The following FRZB variants were observed in gnomAD, a reference collection of about 807,000 sequenced individuals.
FRZB encodes the protein frizzled related protein.
A neutral mutation model predicts 32.5 loss-of-function variants in FRZB; 34 were observed. That is an observed-to-expected ratio of 1.05 (90% CI 0.80 to 1.39). The LOEUF is 1.39. Ranked by LOEUF, FRZB falls within the 40% of genes most tolerant of loss-of-function variation. The pLI, the probability that FRZB is intolerant of heterozygous loss-of-function variation, is 0.00. For synonymous variants in FRZB, 170 were observed against 159.2 expected, an observed-to-expected ratio of 1.07 and a Z score of -0.51; for missense variants, 423 against 424.8, an observed-to-expected ratio of 1.00 and a Z score of 0.04.
chr2:182,836,504 C>T (rs1695527066), intron 5 of FRZB, among the ~76,000 whole-genome samples: 2 of 151,840 alleles, frequency 1.3e-5, no homozygotes, highest in African/African-American at 4.8e-5. Context: ...TCTGCAAGTC[C>T]CCTGCGGAAA....
At chr2:182,836,172 T>A (rs1441928598) in intron 5 of FRZB, among the ~76,000 whole-genome samples, 1 of 152,074 alleles carries the variant, frequency 6.6e-6, no homozygotes, top group Non-Finnish European at 1.5e-5. Flanking sequence ...TATAAGAGAC[T>A]TAGGTAAACA....
Position 182,866,565 on chromosome 2 carries a change from A to G in FRZB, c.-13T>C, listed in dbSNP as rs1010551709. On this transcript the variant is annotated 5_prime_UTR_variant, in exon 1 of 6. Transcript: ENST00000295113. The surrounding 1 kb of genome is among the most constrained non-coding windows in gnomAD (Gnocchi z 4.5). Reference sequence around the variant, plus strand: ...TGCCGCAGACCATGATCCCGGCAGGATGGGGCAGGGTGCAGCCGCGCAGTG... The same window carrying G: ...TGCCGCAGACCATGATCCCGGCAGGGTGGGGCAGGGTGCAGCCGCGCAGTG... The G allele has an allele frequency of 2.8e-6, 4 of 1,441,474 alleles. No individual in the cohort carries two copies. The highest frequency in any genetic ancestry group is 5.0e-5 in the East Asian group (2 of 40,132). The allele number at this position is 1,441,474 out of a possible 1,614,324, so 89.3% of individuals were successfully genotyped here. A position where few individuals can be genotyped will look rare whatever the true frequency, so the allele number is the denominator to read the frequency against.
At chr2:182,852,659 C>A (rs1207058717) in intron 2 of FRZB, among the ~76,000 whole-genome samples, 1 of 151,896 alleles carries the variant, frequency 6.6e-6, no homozygotes, top group South Asian at 2.1e-4. Context: ...TAAAAAAAAC[C>A]CTTTGCATTG....
chr2:182,866,477 G>T lies in FRZB; in HGVS notation c.76C>A (p.Arg26=), dbSNP rs749714954. Residue 26 remains arginine, a synonymous_variant, in exon 1 of 6, where the codon CGG becomes AGG. Transcript: ENST00000295113. This position sits in a 1 kb window ranked among gnomAD's most constrained non-coding sequence, Gnocchi z 4.5. ...GCTGCAGCCCGAGCCCCGGGCACCC[G>T]GAGCAGGCAGAGAGCAGCCAGGGCA... The part of the protein sequence containing the change: ...LLALAALCLL[R]VPGARAAACE... The T allele has an allele frequency of 2.6e-6, 4 of 1,556,288 alleles. No homozygotes were observed. In the African/African-American group the frequency reaches 5.4e-5, roughly 21 times the overall value.
intron 5 of FRZB, among the ~76,000 whole-genome samples, chr2:182,836,729 G>A (rs1454019737): frequency 6.6e-6 from 1 of 152,018 alleles, no homozygotes; most frequent in African/African-American, 2.4e-5. Flanking sequence ...ATTAAAGACA[G>A]TAAGAGATTC....
intron 5 of FRZB, among the ~76,000 whole-genome samples, chr2:182,836,635 C>A (rs577696185): frequency 6.6e-6 from 1 of 151,942 alleles, no homozygotes; most frequent in Non-Finnish European, 1.5e-5. Context: ...TTACATGCTT[C>A]GCAGCAGGGA....
chr2:182,863,050 G>A (rs113558271), intron 1 of FRZB, among the ~76,000 whole-genome samples: 4 of 152,198 alleles, frequency 2.6e-5, no homozygotes, highest in Non-Finnish European at 5.9e-5. Context: ...GATTACAGGA[G>A]TGAGCCACTG....
In FRZB at chr2:182,858,811, G is replaced by A. The variant is rs112071842; in HGVS notation, c.501C>T (p.Asn167=). The change falls in exon 2 of 6, where the codon AAC becomes AAT. Residue 167 remains asparagine (N), a synonymous_variant. Coordinates refer to ENST00000295113, the MANE Select transcript of FRZB (RefSeq NM_001463.4). ...CACTGCTTGCCCCTCTACAGTTTCC[G>A]TTACTAGAATCCATAGGAAAATCTG... ...DGADFPMDSS[N]GNCRGASSER... 2.6e-3 allele frequency: 4,129 copies of A among 1,610,102 alleles called. 36 individuals carry two copies. In the African/African-American group the frequency reaches 0.027, roughly 10 times the overall value.
At position 182,852,623 on chromosome 2, in the gene FRZB, G is replaced by A. The variant is rs1695721416; in HGVS notation, c.526+6163C>T. Among the ~76,000 whole-genome samples, 3 of 152,058 alleles carry A rather than the reference G, an allele frequency of 2.0e-5. No homozygotes were observed. The South Asian group carries it at 6.2e-4, about 32-fold the overall frequency. The stretch of plus-strand genomic sequence containing the variant: ...ACCCTCACAAAGCAGAAAATTGGAA[G>A]AATTACTTTTTGGAATTATTTTAAT... On this transcript the variant is annotated intron_variant, in intron 2 of 5. Coordinates refer to ENST00000295113, the MANE Select transcript of FRZB (RefSeq NM_001463.4).
At chr2:182,843,768 C>CA (rs1432352184) in intron 2 of FRZB, among the ~76,000 whole-genome samples, 1 of 151,948 alleles carries the variant, frequency 6.6e-6, no homozygotes, top group South Asian at 2.1e-4. Context: ...CCCGTCTCTA[C>CA]AAAAAATGCA....
chr2:182,864,409 G>A (rs1358204578), intron 1 of FRZB, among the ~76,000 whole-genome samples: 2 of 152,270 alleles, frequency 1.3e-5, no homozygotes, highest in Middle Eastern at 6.8e-3. Context: ...AAACCAGAGC[G>A]GCAACTGCAC....
At chr2:182,834,994 C>T (rs914284564) in intron 5 of FRZB, 29 bp from the exon 6 acceptor site, 2 of 1,455,038 alleles carry the variant, frequency 1.4e-6, no homozygotes, top group Non-Finnish European at 1.9e-6. Context: ...AAAATAGTCA[C>T]AAGCACATAT....
Position 182,839,934 on chromosome 2 carries a change from T to A in FRZB, c.593-1321A>T, listed in dbSNP as rs565290123. Among the ~76,000 whole-genome samples the A allele has an allele frequency of 1.2e-4, 19 of 152,218 alleles. No homozygotes were observed. In the South Asian group the frequency reaches 3.7e-3, roughly 30 times the overall value. On this transcript the variant is annotated intron_variant, in intron 3 of 5. Transcript: ENST00000295113. ...ACTATAAAGGATTAGAAGAAAGTAA[T>A]CCTTGAAAAATATAAAACCAGCTAA...
intron 2 of FRZB, among the ~76,000 whole-genome samples, chr2:182,843,695 G>A (rs924212718): frequency 2.6e-5 from 4 of 152,112 alleles, no homozygotes; most frequent in African/African-American, 9.7e-5. Flanking sequence ...GGCCAACATG[G>A]TGGGGGAAAA....
intron 1 of FRZB, among the ~76,000 whole-genome samples, chr2:182,859,418 C>T (rs1380981544): frequency 6.6e-6 from 1 of 152,018 alleles, no homozygotes; most frequent in Non-Finnish European, 1.5e-5. Flanking sequence ...TTTTAGGATG[C>T]CATAATCCCA....
At chr2:182,845,538 A>G (rs2105755710) in intron 2 of FRZB, among the ~76,000 whole-genome samples, 1 of 152,246 alleles carries the variant, frequency 6.6e-6, no homozygotes, top group South Asian at 2.1e-4. Context: ...ATGAATTAGC[A>G]TCTGCCTTGG....
intron 2 of FRZB, among the ~76,000 whole-genome samples, chr2:182,854,323 C>T (rs755317244): frequency 1.6e-4 from 25 of 152,026 alleles, no homozygotes; most frequent in Non-Finnish European, 2.5e-4. Flanking sequence ...CTTGTTTCTC[C>T]CACTGAAAGC....
chr2:182,854,275 G>T (rs990773332), intron 2 of FRZB, among the ~76,000 whole-genome samples: 2 of 152,054 alleles, frequency 1.3e-5, no homozygotes, highest in African/African-American at 4.8e-5. Flanking sequence ...ATACTTTAAT[G>T]GTTTATTTTA....
intron 1 of FRZB, among the ~76,000 whole-genome samples, chr2:182,860,576 C>G (rs1279853710): frequency 6.6e-6 from 1 of 152,026 alleles, no homozygotes; most frequent in Non-Finnish European, 1.5e-5. Flanking sequence ...AGAATCAAGA[C>G]TGCTTCCCAC....
Sources: gnomAD v4.1 joint callset for allele counts (sites outside exome capture counted in the v4.1 genomes callset) on GRCh38, gnomAD v4.1.1 for gene constraint, Gnocchi (gnomAD v3.1) non-coding constraint, MANE v1.5 for transcripts, NCBI Gene and HGNC (gene_info 2026-07-23, HGNC 2026-07-21) for gene names.